PUM2: variants seen among roughly 807,000 people sequenced by gnomAD.
The protein encoded by PUM2 is pumilio RNA binding family member 2.
A neutral mutation model predicts 124.5 loss-of-function variants in PUM2; 57 were observed. The ratio of observed to expected loss-of-function variants is 0.46; its 90% CI spans 0.37 to 0.57. PUM2 has a LOEUF of 0.57. Ranked by LOEUF, PUM2 falls within the 20% of genes least tolerant of loss-of-function variation. The pLI, the probability that PUM2 is intolerant of heterozygous loss-of-function variation, is 0.00. For missense variants in PUM2, 1,065 were observed against 1,290.6 expected (o/e 0.83, Z 2.68); for synonymous variants, 460 against 446.1 (o/e 1.03, Z -0.39).
At chr2:20,259,721 C>G (rs1273641911) in intron 15 of PUM2, among the ~76,000 whole-genome samples, 3 of 152,144 alleles carry the variant, frequency 2.0e-5, no homozygotes, top group Non-Finnish European at 4.4e-5. Flanking sequence ...TTTTGGCTAT[C>G]GTGAATAATG....
rs1006430470 is a variant in PUM2 at position 20,251,344 on chromosome 2, T to G, written c.*241A>C. ...ACATCATATACAGGCATTCTGTGCTTTGCCAGCAATCCAATCTGATAGGTC... is the reference window on the plus strand; with the variant it reads ...ACATCATATACAGGCATTCTGTGCTGTGCCAGCAATCCAATCTGATAGGTC... On this transcript the variant is annotated 3_prime_UTR_variant, in exon 21 of 21. Coordinates refer to ENST00000361078, the MANE Select transcript of PUM2 (RefSeq NM_015317.5). 5.7e-6 allele frequency: 2 copies of G among 348,744 alleles called. No homozygotes were observed. Among genetic ancestry groups the G allele is most frequent in the East Asian group, 4.9e-5 (1 of 20,356 alleles). 21.6% of individuals were successfully genotyped at this position (348,744 alleles called of 1,614,324 possible).
At chr2:20,316,601 T>C (rs1268967397) in intron 3 of PUM2, among the ~76,000 whole-genome samples, 1 of 152,186 alleles carries the variant, frequency 6.6e-6, no homozygotes, top group Admixed American at 6.5e-5. Flanking sequence ...TAAAATGATA[T>C]GCTAACTACT....
At chr2:20,308,709 CTATG>C in intron 5 of PUM2, 125 bp from the exon 6 acceptor site, 1 of 837,422 alleles carries the variant, frequency 1.2e-6, no homozygotes. Context: ...TTCTGGGTCA[CTATG>C]CCACCTTATC....
chr2:20,255,099 A>G (rs1664448310), intron 18 of PUM2, 115 bp from the exon 19 acceptor site: 1 of 1,465,872 alleles, frequency 6.8e-7, no homozygotes. Flanking sequence ...GGAGAATACA[A>G]CAGCCTTTTG....
rs1665892034 is a variant in PUM2 at position 20,260,415 on chromosome 2, T to C, written c.2277A>G (p.Val759=). ...ERATPAERQM[V]FNEILQAAYQ... ...AGGCTGCTTGCAGAATTTCATTAAA[T>C]ACCATCTGTCGCTCAGCTGGAGTAG... Residue 759 remains valine (V), a synonymous_variant, in exon 15 of 21, where the codon GTA becomes GTG. Coordinates refer to ENST00000361078, the MANE Select transcript of PUM2 (RefSeq NM_015317.5). The C allele has an allele frequency of 6.2e-7, 1 of 1,611,510 alleles. No homozygotes were observed. The highest frequency in any genetic ancestry group is 1.7e-4 in the Middle Eastern group (1 of 6,024).
intron 7 of PUM2, among the ~76,000 whole-genome samples, chr2:20,305,805 A>G (rs1678129601): frequency 6.6e-6 from 1 of 152,234 alleles, no homozygotes; most frequent in Non-Finnish European, 1.5e-5. Flanking sequence ...AACAAAACAT[A>G]AAATACATAA....
At position 20,326,137 on chromosome 2, in the gene PUM2, TA is replaced by T. The variant is rs1435333295; in HGVS notation, c.51+1172del. ...ACCAGATATTGCACTGCAGTGAAGCTACAGATTTTGTTTACAAAAAAAATTC... is the reference window on the plus strand; with the variant it reads ...ACCAGATATTGCACTGCAGTGAAGCTCAGATTTTGTTTACAAAAAAAATTC... On this transcript the variant is annotated intron_variant, in intron 2 of 20. Coordinates refer to ENST00000361078, the MANE Select transcript of PUM2 (RefSeq NM_015317.5). 94 of 850,418 alleles carry T rather than the reference TA, an allele frequency of 1.1e-4. No homozygotes were observed. In the South Asian group the frequency reaches 1.6e-3, roughly 15 times the overall value. 52.7% of individuals were successfully genotyped at this position (850,418 alleles called of 1,614,324 possible).
intron 7 of PUM2, among the ~76,000 whole-genome samples, chr2:20,303,813 C>T (rs1219886818): frequency 6.6e-6 from 1 of 152,162 alleles, no homozygotes; most frequent in African/African-American, 2.4e-5. Context: ...GACTTATTTA[C>T]AAGACCATGA....
At chr2:20,336,085 C>T (rs546299227) in intron 1 of PUM2, among the ~76,000 whole-genome samples, 36 of 152,320 alleles carry the variant, frequency 2.4e-4, no homozygotes, top group African/African-American at 8.2e-4. Context: ...GGTTTTGATG[C>T]TTTAGGTATT....
intron 2 of PUM2, chr2:20,326,458 G>A: frequency 3.2e-6 from 4 of 1,269,652 alleles, no homozygotes; most frequent in Non-Finnish European, 4.2e-6. Flanking sequence ...TAATCTCCAG[G>A]AGCAAGCAGT....
chr2:20,260,036 G>A (rs1339353707), intron 15 of PUM2, among the ~76,000 whole-genome samples: 1 of 152,126 alleles, frequency 6.6e-6, no homozygotes, highest in African/African-American at 2.4e-5. Context: ...GATTAGTAAG[G>A]ATGTTGAGCA....
intron 13 of PUM2, among the ~76,000 whole-genome samples, chr2:20,277,749 C>T (rs1489013496): frequency 6.6e-6 from 1 of 151,980 alleles, no homozygotes; most frequent in Non-Finnish European, 1.5e-5. Flanking sequence ...TAAATCTTTC[C>T]AATTACATAA....
chr2:20,283,483 T>C lies in PUM2; in HGVS notation c.1295A>G (p.Tyr432Cys). 3 of 1,602,534 alleles carry C rather than the reference T, an allele frequency of 1.9e-6. No individual in the cohort carries two copies. The highest frequency in any genetic ancestry group is 2.6e-6 in the Non-Finnish European group (3 of 1,175,058). The change falls in exon 11 of 21, where the codon TAT becomes TGT. Residue 432 changes from tyrosine (Y) to cysteine (C), a missense_variant. Physicochemically the swap from Tyr to Cys is radical, Grantham distance 194. Around this residue, in one of 3 missense-constraint regions of PUM2, gnomAD observed 968 missense variants for 1,159.8 expected, o/e 0.83. Transcript: ENST00000361078. ...GQGLATGMPGYQVLAPTAYYD... is the reference protein window; with the variant it reads ...GQGLATGMPGCQVLAPTAYYD... Reference sequence around the variant, plus strand: ...ATAGGCAGTTGGAGCTAGTACTTGATAGCCTAAATAAAATAAAGGTTTACT... The same window carrying C: ...ATAGGCAGTTGGAGCTAGTACTTGACAGCCTAAATAAAATAAAGGTTTACT...
intron 13 of PUM2, among the ~76,000 whole-genome samples, chr2:20,267,828 C>A (rs1333636802): frequency 6.6e-6 from 1 of 152,200 alleles, no homozygotes; most frequent in African/African-American, 2.4e-5. Context: ...CTATTTACAT[C>A]TTTCATGTTC....
At chr2:20,314,444 T>C (rs1680395440) in intron 3 of PUM2, among the ~76,000 whole-genome samples, 1 of 152,238 alleles carries the variant, frequency 6.6e-6, no homozygotes, top group Non-Finnish European at 1.5e-5. Flanking sequence ...GTATTTAAGA[T>C]CTGAGAGTTA....
At position 20,297,610 on chromosome 2, in the gene PUM2, G is replaced by A; in HGVS notation, c.952C>T (p.Pro318Ser). ...GCAGTATACGGATCGGTCCCTGGAGGAGCAGCACTAATAATGTATGGATTT... is the reference window on the plus strand; with the variant it reads ...GCAGTATACGGATCGGTCCCTGGAGAAGCAGCACTAATAATGTATGGATTT... ...VPNPYIISAA[P>S]PGTDPYTAAG... is the part of the protein sequence containing the mutation. The change falls in exon 8 of 21, where the codon CCT (proline) becomes TCT (serine). Residue 318 changes from proline to serine, a missense_variant. This residue lies in a region of PUM2 where 968 missense variants were observed against 1,159.8 expected (regional missense o/e 0.83). Coordinates refer to ENST00000361078, the MANE Select transcript of PUM2 (RefSeq NM_015317.5). The A allele has an allele frequency of 5.0e-6, 8 of 1,613,176 alleles. No individual in the cohort carries two copies. Among genetic ancestry groups the A allele is most frequent in the Non-Finnish European group, 6.8e-6 (8 of 1,179,110 alleles).
chr2:20,322,607 A>C (rs1213221293), intron 2 of PUM2, among the ~76,000 whole-genome samples: 2 of 152,084 alleles, frequency 1.3e-5, no homozygotes, highest in Non-Finnish European at 1.5e-5. Flanking sequence ...GTTGAAGACC[A>C]GCCTGGGCAA....
chr2:20,276,516 G>A (rs1263021813), intron 13 of PUM2, among the ~76,000 whole-genome samples: 1 of 151,832 alleles, frequency 6.6e-6, no homozygotes, highest in Non-Finnish European at 1.5e-5. Context: ...TGATATGTGA[G>A]CTCAGTAAAA....
In PUM2 at chr2:20,350,528, ACAAAGCCTGGGGAGC is replaced by A. The variant is rs1451430380; in HGVS notation, c.-19+54_-19+68del. ...GATCGGCTCCCGCCGAGGCCGCCGC[ACAAAGCCTGGGGAGC>A]CATCCTCGACGGCGCCAAAGGACCG... On this transcript the variant is annotated intron_variant, in intron 1 of 20. Coordinates refer to ENST00000361078, the MANE Select transcript of PUM2 (RefSeq NM_015317.5). 4.1e-6 allele frequency: 4 copies of A among 985,430 alleles called. No homozygotes were observed. The African/African-American group carries it at 7.0e-5, about 17-fold the overall frequency. The allele number at this position is 985,430 out of a possible 1,614,324, so 61.0% of individuals were successfully genotyped here. A position where few individuals can be genotyped will look rare whatever the true frequency, so the allele number is the denominator to read the frequency against.
Sources: gnomAD v4.1 joint callset for allele counts (sites outside exome capture counted in the v4.1 genomes callset) on GRCh38, gnomAD v4.1.1 for gene constraint, gnomAD v4.1.1 regional missense constraint, MANE v1.5 for transcripts, NCBI Gene and HGNC (gene_info 2026-07-23, HGNC 2026-07-21) for gene names.